The following XIRP2 variants were observed in gnomAD, a reference collection of about 807,000 sequenced individuals.
XIRP2 encodes the protein xin actin-binding repeat-containing protein 2.
A neutral mutation model predicts 277.0 loss-of-function variants in XIRP2; 236 were observed. The ratio of observed to expected loss-of-function variants is 0.85; its 90% CI spans 0.77 to 0.95. The LOEUF (loss-of-function observed/expected upper bound fraction) is 0.95, where lower values mean the gene tolerates loss of function less well. Ranked by LOEUF, XIRP2 falls within the 40% of genes least tolerant of loss-of-function variation. XIRP2 has a pLI of 0.00. For synonymous variants in XIRP2, 1,490 were observed against 1,416.5 expected, an observed-to-expected ratio of 1.05 and a Z score of -1.17; for missense variants, 4,640 against 4,157.5, an observed-to-expected ratio of 1.12 and a Z score of -3.19.
At chr2:166,915,244 T>C (rs1428573382) in intron 2 of XIRP2, among the ~76,000 whole-genome samples, 1 of 126,700 alleles carries the variant, frequency 7.9e-6, no homozygotes, top group African/African-American at 3.1e-5. Context: ...GAGCTTGCAG[T>C]GAGCCGAGAT....
Position 167,258,894 on chromosome 2 carries a change from AGACT to A in XIRP2, c.*1081_*1084del, listed in dbSNP as rs776225553. ...GTACTAGCAATGGCTCTGAAGAAAC[AGACT>A]GACAGAGCAGCTGCTGGCAGTCCTG... On this transcript the variant is annotated 3_prime_UTR_variant, in exon 11 of 11. Coordinates refer to ENST00000409195, the MANE Select transcript of XIRP2 (RefSeq NM_152381.6). 103 of 1,613,112 alleles carry A rather than the reference AGACT, an allele frequency of 6.4e-5. 1 individual carries two copies. The East Asian group carries it at 2.2e-3, about 35-fold the overall frequency.
At position 167,127,242 on chromosome 2, in the gene XIRP2, C is replaced by T. The variant is rs1182681728; in HGVS notation, c.409-8667C>T. 3.3e-5 allele frequency among the ~76,000 whole-genome samples: 5 copies of T among 152,310 alleles called. No homozygotes were observed. The East Asian group carries it at 5.8e-4, about 18-fold the overall frequency. ...CACAAATAGTTGTGCAGGTTTAAAG[C>T]ATCTCAAGGGCACACATCTAAGGGA... On this transcript the variant is annotated intron_variant, in intron 2 of 10. Transcript: ENST00000409195.
At chr2:166,942,954 T>C (rs1041615131) in intron 2 of XIRP2, among the ~76,000 whole-genome samples, 3 of 152,102 alleles carry the variant, frequency 2.0e-5, no homozygotes, top group Non-Finnish European at 4.4e-5. Flanking sequence ...CATCAAAATA[T>C]ACATGAATCA....
At chr2:166,892,724 G>A (rs1284501089) in intron 1 of XIRP2, among the ~76,000 whole-genome samples, 1 of 150,926 alleles carries the variant, frequency 6.6e-6, no homozygotes, top group Admixed American at 6.6e-5. Context: ...ACCTTTGATG[G>A]GTTACTTGAC....
At position 167,210,759 on chromosome 2, in the gene XIRP2, A is replaced by G. The variant is rs1227821892; in HGVS notation, c.587A>G (p.Glu196Gly). 6.2e-7 allele frequency: 1 copy of G among 1,614,060 alleles called. No homozygotes were observed. Among genetic ancestry groups the G allele is most frequent in the Non-Finnish European group, 8.5e-7 (1 of 1,180,030 alleles). ...FEATAGPNKP[E>G]SGFAEDSAAR... Reference sequence around the variant, plus strand: ...GCGACTGCTGGCCCTAATAAGCCTGAGAGTGGATTTGCAGAAGACAGTGCT... The same window carrying G: ...GCGACTGCTGGCCCTAATAAGCCTGGGAGTGGATTTGCAGAAGACAGTGCT... Residue 196 changes from glutamate to glycine, a missense_variant, in exon 4 of 11, where the codon GAG becomes GGG. Physicochemically the swap from Glu to Gly is moderately conservative, Grantham distance 98. Coordinates refer to ENST00000409195, the MANE Select transcript of XIRP2 (RefSeq NM_152381.6).
chr2:167,199,923 A>C (rs1401371567), intron 3 of XIRP2, among the ~76,000 whole-genome samples: 1 of 152,242 alleles, frequency 6.6e-6, no homozygotes, highest in East Asian at 1.9e-4. Context: ...GGGATACATT[A>C]GAAAATTAGG....
intron 4 of XIRP2, among the ~76,000 whole-genome samples, chr2:167,213,493 T>A (rs1032694490): frequency 6.6e-6 from 1 of 152,214 alleles, no homozygotes; most frequent in African/African-American, 2.4e-5. Flanking sequence ...TAGATTTAAC[T>A]GTTAGGTGTT....
intron 2 of XIRP2, among the ~76,000 whole-genome samples, chr2:167,050,949 C>A (rs1688898473): frequency 6.6e-6 from 1 of 151,920 alleles, no homozygotes; most frequent in African/African-American, 2.4e-5. Flanking sequence ...GAATTCAAAC[C>A]TCCCTAATAT....
chr2:167,096,034 C>A (rs1224720489), intron 2 of XIRP2, among the ~76,000 whole-genome samples: 1 of 151,368 alleles, frequency 6.6e-6, no homozygotes, highest in African/African-American at 2.4e-5. Flanking sequence ...CCACCACACC[C>A]AGCTAATTTT....
At chr2:166,953,138 T>C (rs1256791318) in intron 2 of XIRP2, among the ~76,000 whole-genome samples, 1 of 152,054 alleles carries the variant, frequency 6.6e-6, no homozygotes, top group Non-Finnish European at 1.5e-5. Flanking sequence ...ATGTAACATA[T>C]GTTGCATGCT....
At chr2:167,144,139 C>G (rs766212240) in intron 3 of XIRP2, among the ~76,000 whole-genome samples, 1 of 151,840 alleles carries the variant, frequency 6.6e-6, no homozygotes, top group Non-Finnish European at 1.5e-5. Context: ...ATACATAATG[C>G]AATATAAGAA....
intron 2 of XIRP2, among the ~76,000 whole-genome samples, chr2:167,054,683 CAAAA>C (rs5836129): frequency 2.8e-5 from 3 of 108,966 alleles, no homozygotes; most frequent in Admixed American, 1.0e-4. Context: ...GACTCAGTCG[CAAAA>C]AAAAAAAAAA....
At chr2:166,973,370 G>A (rs1335009117) in intron 2 of XIRP2, among the ~76,000 whole-genome samples, 9 of 152,018 alleles carry the variant, frequency 5.9e-5, no homozygotes, top group Non-Finnish European at 1.5e-5. Context: ...TTTTAACTTC[G>A]CTTTTTGTTC....
intron 3 of XIRP2, among the ~76,000 whole-genome samples, chr2:167,148,754 C>T (rs1261300283): frequency 6.6e-6 from 1 of 151,892 alleles, no homozygotes; most frequent in African/African-American, 2.4e-5. Flanking sequence ...CTATTTTATT[C>T]TCAGAAAGGA....
At chr2:166,930,585 C>T (rs1685308830) in intron 2 of XIRP2, among the ~76,000 whole-genome samples, 1 of 151,966 alleles carries the variant, frequency 6.6e-6, no homozygotes, top group African/African-American at 2.4e-5. Context: ...AGTAATTTTG[C>T]ATGTATTGTT....
chr2:166,936,530 G>T (rs1685507819), intron 2 of XIRP2, among the ~76,000 whole-genome samples: 1 of 152,168 alleles, frequency 6.6e-6, no homozygotes, highest in South Asian at 2.1e-4. Context: ...TTCTTCTAGG[G>T]TTTTCATAGC....
intron 3 of XIRP2, among the ~76,000 whole-genome samples, chr2:167,150,524 C>T (rs11888230): frequency 0.27 from 41,562 of 151,722 alleles, 7,207 homozygotes; most frequent in African/African-American, 0.5. Flanking sequence ...AAGCGAATGA[C>T]TGAATAAATC....
At chr2:166,979,042 G>A (rs531890899) in intron 2 of XIRP2, among the ~76,000 whole-genome samples, 29 of 152,164 alleles carry the variant, frequency 1.9e-4, no homozygotes, top group Non-Finnish European at 2.6e-4. Context: ...TATCACTCTA[G>A]GACTTGTTTT....
At chr2:167,143,558 A>G (rs888585833) in intron 3 of XIRP2, among the ~76,000 whole-genome samples, 1 of 152,158 alleles carries the variant, frequency 6.6e-6, no homozygotes, top group Non-Finnish European at 1.5e-5. Flanking sequence ...ATTTCAATTA[A>G]TGTCTTTATA....
Sources: allele counts gnomAD v4.1 joint callset (sites outside exome capture counted in the v4.1 genomes callset), GRCh38; gene constraint gnomAD v4.1.1; transcripts MANE v1.5; gene names NCBI Gene and HGNC (gene_info 2026-07-23, HGNC 2026-07-21).